Variants in AOPEP observed in about 807,000 individuals in gnomAD.
AOPEP encodes the protein aminopeptidase O (putative).
Under a neutral mutation model 98.1 loss-of-function variants are expected in AOPEP, and 77 were observed. The observed-to-expected ratio is 0.78, with a 90% CI of 0.65 to 0.95. The LOEUF is 0.95. AOPEP is among the 40% of genes least tolerant of loss of function. The pLI is 0.00. For missense variants in AOPEP, 1,024 were observed against 1,024.7 expected, an observed-to-expected ratio of 1.00 and a Z score of 0.01; for synonymous variants, 346 against 365.3, an observed-to-expected ratio of 0.95 and a Z score of 0.60.
chr9:95,101,633 C>G, the AOPEP span: 7 of 1,593,118 alleles, frequency 4.4e-6, no homozygotes, highest in Non-Finnish European at 6.0e-6. Flanking sequence ...TGCGTGGCCA[C>G]AGGTCATCAC....
chr9:94,987,329 C>A (rs10993438), intron 11 of AOPEP, among the ~76,000 whole-genome samples: 11,657 of 152,278 alleles, frequency 0.077, 1,113 homozygotes, highest in African/African-American at 0.22. Context: ...GAAGGACAGG[C>A]AGGTAGAGCA....
At chr9:95,104,271 G>A in the AOPEP span, among the ~76,000 whole-genome samples, 1 of 152,226 alleles carries the variant, frequency 6.6e-6, no homozygotes, top group Non-Finnish European at 1.5e-5. Context: ...CATCCGAAAG[G>A]ACAGCCCCCA....
intron 14 of AOPEP, among the ~76,000 whole-genome samples, chr9:95,073,220 C>T (rs1430334350): frequency 5.9e-5 from 9 of 152,112 alleles, no homozygotes; most frequent in Non-Finnish European, 1.3e-4. Context: ...CTACCTCATG[C>T]CAGCCCAGCC....
chr9:94,741,397 C>G (rs1461281869), intron 1 of AOPEP, among the ~76,000 whole-genome samples: 3 of 152,006 alleles, frequency 2.0e-5, no homozygotes, highest in Non-Finnish European at 2.9e-5. Flanking sequence ...TTCAGCCCCC[C>G]GAGTAGCTGG....
chr9:95,049,863 A>G (rs2066187497), intron 13 of AOPEP, among the ~76,000 whole-genome samples: 1 of 152,184 alleles, frequency 6.6e-6, no homozygotes, highest in Admixed American at 6.5e-5. Flanking sequence ...TCCATTTTGC[A>G]TTTTTGAAGA....
chr9:95,026,216 C>T (rs540906877), intron 13 of AOPEP, among the ~76,000 whole-genome samples: 23 of 152,232 alleles, frequency 1.5e-4, no homozygotes, highest in Non-Finnish European at 2.1e-4. Flanking sequence ...AACTTTAAGG[C>T]GTAATTTACG....
intron 7 of AOPEP, chr9:94,933,186 G>C (rs774858195): frequency 2.0e-6 from 2 of 985,544 alleles, no homozygotes; most frequent in Non-Finnish European, 2.4e-6. Context: ...CTCCTGACTC[G>C]TGCAGCAGTG....
intron 5 of AOPEP, 64 bp downstream of exon 5, chr9:94,801,066 C>A (rs1045076179): frequency 8.3e-6 from 13 of 1,574,658 alleles, no homozygotes; most frequent in Admixed American, 3.4e-5. Flanking sequence ...CTATGTCTTG[C>A]TTTCCTTGAG....
At chr9:94,916,724 A>C (rs915877907) in intron 5 of AOPEP, among the ~76,000 whole-genome samples, 2 of 151,584 alleles carry the variant, frequency 1.3e-5, no homozygotes, top group Non-Finnish European at 2.9e-5. Context: ...ATAAATAAAT[A>C]AATAAATAAA....
chr9:94,983,964 T>G (rs527603815), intron 11 of AOPEP, among the ~76,000 whole-genome samples: 1 of 151,804 alleles, frequency 6.6e-6, no homozygotes, highest in East Asian at 1.9e-4. Flanking sequence ...GCTCAGGAGC[T>G]CACCGTCCAA....
At chr9:94,765,744 T>C (rs1393742099) in intron 2 of AOPEP, among the ~76,000 whole-genome samples, 1 of 152,164 alleles carries the variant, frequency 6.6e-6, no homozygotes, top group African/African-American at 2.4e-5. Flanking sequence ...GGAGTATTTA[T>C]TATGAATGAT....
intron 2 of AOPEP, among the ~76,000 whole-genome samples, chr9:94,771,881 G>A (rs1356453376): frequency 2.0e-5 from 3 of 151,762 alleles, no homozygotes; most frequent in African/African-American, 4.8e-5. Context: ...TCCTCTGATT[G>A]GTCTCTCCGC....
At chr9:94,886,774 T>C (rs1414422608) in intron 5 of AOPEP, among the ~76,000 whole-genome samples, 2 of 152,194 alleles carry the variant, frequency 1.3e-5, no homozygotes, top group African/African-American at 4.8e-5. Flanking sequence ...AAAATCCCAA[T>C]AGTTGCAATC....
At chr9:94,819,820 G>C (rs2165716) in intron 5 of AOPEP, among the ~76,000 whole-genome samples, 2 of 151,632 alleles carry the variant, frequency 1.3e-5, no homozygotes, top group Admixed American at 6.6e-5. Context: ...CAATCCTCCC[G>C]CCTTGGCCTT....
At chr9:95,078,986 T>A (rs1174727555) in intron 14 of AOPEP, among the ~76,000 whole-genome samples, 1 of 152,246 alleles carries the variant, frequency 6.6e-6, no homozygotes, top group Non-Finnish European at 1.5e-5. Context: ...TTCTGTTGGC[T>A]GTACAGGAAA....
intron 1 of AOPEP, among the ~76,000 whole-genome samples, chr9:94,735,284 G>A (rs1002836362): frequency 1.3e-5 from 2 of 152,238 alleles, no homozygotes; most frequent in East Asian, 1.9e-4. Flanking sequence ...GCAGTGGTGC[G>A]ATCTCGGCTC....
intron 5 of AOPEP, among the ~76,000 whole-genome samples, chr9:94,855,736 T>A (rs2044121267): frequency 6.6e-6 from 1 of 152,158 alleles, no homozygotes; most frequent in African/African-American, 2.4e-5. Flanking sequence ...ATCTTGTTTT[T>A]AATTTGCCTA....
intron 7 of AOPEP, chr9:94,933,243 GC>G (rs2055671602): frequency 1.0e-6 from 1 of 985,482 alleles, no homozygotes; most frequent in Admixed American, 6.1e-5. Flanking sequence ...GGCTCGCCAT[GC>G]CTCCTGTCTC....
chr9:95,012,992 G>C (rs556638779), intron 13 of AOPEP, among the ~76,000 whole-genome samples: 6 of 138,688 alleles, frequency 4.3e-5, no homozygotes, highest in Admixed American at 7.2e-5. Flanking sequence ...TTTTTTGGGG[G>C]GGGGGGCAGG....
Sources: gnomAD v4.1 joint callset for allele counts (sites outside exome capture counted in the v4.1 genomes callset) on GRCh38, gnomAD v4.1.1 for gene constraint, MANE v1.5 for transcripts, NCBI Gene and HGNC (gene_info 2026-07-23, HGNC 2026-07-21) for gene names.